The following PDE4B variants were observed in gnomAD, a reference collection of about 807,000 sequenced individuals.
PDE4B encodes the protein 3',5'-cyclic-AMP phosphodiesterase 4B.
A neutral mutation model predicts 82.2 loss-of-function variants in PDE4B; 20 were observed. The ratio of observed to expected loss-of-function variants is 0.24; its 90% CI spans 0.17 to 0.35. The LOEUF (loss-of-function observed/expected upper bound fraction) is 0.35. PDE4B is among the 10% of genes least tolerant of loss of function. The probability of loss-of-function intolerance (pLI) is 1.00; values close to 1 mark genes in which losing one functional copy is unlikely to be tolerated. For synonymous variants in PDE4B, 320 were observed against 318.9 expected, an observed-to-expected ratio of 1.00 and a Z score of -0.04; for missense variants, 655 against 907.2, an observed-to-expected ratio of 0.72 and a Z score of 3.57.
At chr1:66,363,986 T>C (rs1343510871) in intron 12 of PDE4B, among the ~76,000 whole-genome samples, 6 of 152,154 alleles carry the variant, frequency 3.9e-5, no homozygotes, top group African/African-American at 9.7e-5. Context: ...CTATTAAAAG[T>C]ATTTAACTGT....
chr1:66,164,603 G>A (rs1239537509), intron 3 of PDE4B, among the ~76,000 whole-genome samples: 1 of 147,186 alleles, frequency 6.8e-6, no homozygotes, highest in Non-Finnish European at 1.5e-5. Flanking sequence ...GAAAAGACCA[G>A]CGATCTCTAT....
intron 3 of PDE4B, among the ~76,000 whole-genome samples, chr1:66,222,020 G>A (rs1451379032): frequency 1.3e-5 from 2 of 152,106 alleles, no homozygotes; most frequent in Non-Finnish European, 2.9e-5. Context: ...GCCAAGGAAA[G>A]CCAGGTCTGG....
chr1:66,008,179 T>A (rs1346849939), intron 3 of PDE4B, among the ~76,000 whole-genome samples: 2 of 152,126 alleles, frequency 1.3e-5, no homozygotes, highest in African/African-American at 4.8e-5. Flanking sequence ...AAGAATTAAT[T>A]TCTACTTACA....
At chr1:66,022,117 A>G (rs1653160644) in intron 3 of PDE4B, among the ~76,000 whole-genome samples, 1 of 151,754 alleles carries the variant, frequency 6.6e-6, no homozygotes, top group Non-Finnish European at 1.5e-5. Flanking sequence ...TCTGTCTGTT[A>G]TTGGTGTATA....
intron 1 of PDE4B, among the ~76,000 whole-genome samples, chr1:65,867,201 A>C (rs1483918148): frequency 6.6e-6 from 1 of 152,220 alleles, no homozygotes; most frequent in South Asian, 2.1e-4. Context: ...AAAGCCCCTT[A>C]GGAACACAAA....
intron 3 of PDE4B, among the ~76,000 whole-genome samples, chr1:66,163,753 G>A (rs1557603562): frequency 6.6e-6 from 1 of 152,156 alleles, no homozygotes. Context: ...TAAAATAAGT[G>A]CTGCCTGTTT....
chr1:66,212,318 C>G (rs1290968147), intron 3 of PDE4B, among the ~76,000 whole-genome samples: 1 of 152,220 alleles, frequency 6.6e-6, no homozygotes, highest in Non-Finnish European at 1.5e-5. Flanking sequence ...CATCCACTTT[C>G]CTTCTTACTC....
intron 8 of PDE4B, among the ~76,000 whole-genome samples, chr1:66,342,064 C>G (rs1390905941): frequency 1.4e-4 from 9 of 63,156 alleles, no homozygotes; most frequent in Non-Finnish European, 3.8e-5. Context: ...TGTGTAGATC[C>G]CTAAGTTAGC....
chr1:66,101,039 T>C (rs1645212799), intron 3 of PDE4B, among the ~76,000 whole-genome samples: 1 of 152,108 alleles, frequency 6.6e-6, no homozygotes, highest in Non-Finnish European at 1.5e-5. Context: ...TGTCCAAGTG[T>C]TGTCATTGTT....
At chr1:66,099,633 T>C (rs1645182794) in intron 3 of PDE4B, among the ~76,000 whole-genome samples, 1 of 152,174 alleles carries the variant, frequency 6.6e-6, no homozygotes, top group Non-Finnish European at 1.5e-5. Flanking sequence ...TGATATTCAG[T>C]AAACTCTGAT....
intron 3 of PDE4B, among the ~76,000 whole-genome samples, chr1:66,244,362 G>A (rs1392419985): frequency 1.3e-5 from 2 of 152,078 alleles, no homozygotes; most frequent in Non-Finnish European, 2.9e-5. Context: ...ATATAAAGCA[G>A]CCTAAAGGTG....
intron 3 of PDE4B, among the ~76,000 whole-genome samples, chr1:66,244,853 G>A (rs1211706434): frequency 3.3e-5 from 5 of 152,108 alleles, no homozygotes; most frequent in Non-Finnish European, 5.9e-5. Flanking sequence ...TTGGAGTCAG[G>A]GTCTAACCCC....
intron 1 of PDE4B, among the ~76,000 whole-genome samples, chr1:65,883,458 G>C (rs1646733557): frequency 6.6e-6 from 1 of 151,974 alleles, no homozygotes. Flanking sequence ...CTCTCTGTTT[G>C]TCTGTTATTG....
intron 3 of PDE4B, among the ~76,000 whole-genome samples, chr1:66,245,735 A>G (rs1219919530): frequency 2.0e-5 from 3 of 152,220 alleles, no homozygotes; most frequent in Non-Finnish European, 4.4e-5. Context: ...TTGAAAGACC[A>G]AACATATTGG....
chr1:66,189,142 A>G (rs1190715113), intron 3 of PDE4B, among the ~76,000 whole-genome samples: 1 of 151,978 alleles, frequency 6.6e-6, no homozygotes, highest in African/African-American at 2.4e-5. Flanking sequence ...TCTTTTCTTT[A>G]AGAATGTTGA....
intron 3 of PDE4B, among the ~76,000 whole-genome samples, chr1:66,056,222 C>T (rs1457535942): frequency 1.3e-5 from 2 of 152,052 alleles, no homozygotes; most frequent in African/African-American, 4.8e-5. Context: ...TTGTTATTTG[C>T]ATGCAATTTA....
At chr1:65,912,383 C>A (rs1647102770) in intron 1 of PDE4B, among the ~76,000 whole-genome samples, 1 of 152,060 alleles carries the variant, frequency 6.6e-6, no homozygotes, top group South Asian at 2.1e-4. Context: ...TCACCTTTTA[C>A]CCCCCTCCCA....
At chr1:65,828,280 CTG>C (rs1646041933) in intron 1 of PDE4B, among the ~76,000 whole-genome samples, 2 of 152,068 alleles carry the variant, frequency 1.3e-5, no homozygotes, top group Admixed American at 1.3e-4. Context: ...GAGTCTTACT[CTG>C]TTGCCCAGGT....
At chr1:66,289,708 A>G (rs1185342494) in intron 7 of PDE4B, among the ~76,000 whole-genome samples, 1 of 150,562 alleles carries the variant, frequency 6.6e-6, no homozygotes, top group Non-Finnish European at 1.5e-5. Context: ...AAAATGTTAT[A>G]TATATATATA....
Sources: gnomAD v4.1 joint callset for allele counts (sites outside exome capture counted in the v4.1 genomes callset) on GRCh38, gnomAD v4.1.1 for gene constraint, MANE v1.5 for transcripts, NCBI Gene and HGNC (gene_info 2026-07-23, HGNC 2026-07-21) for gene names.